Variants in HDX observed in about 807,000 individuals in gnomAD.
HDX encodes highly divergent homeobox.
Under a neutral mutation model 45.2 loss-of-function variants are expected in HDX, and 19 were observed. That is an observed-to-expected ratio of 0.42 (90% CI 0.29 to 0.62). HDX has a LOEUF of 0.62. HDX is among the 20% of genes least tolerant of loss of function. The pLI, the probability that HDX is intolerant of heterozygous loss-of-function variation, is 0.20. For missense variants in HDX, 532 were observed against 493.9 expected, an observed-to-expected ratio of 1.08 and a Z score of -0.73; for synonymous variants, 188 against 172.8, an observed-to-expected ratio of 1.09 and a Z score of -0.69.
chrX:84,412,271 A>C (rs1274343873), intron 5 of HDX, among the ~76,000 whole-genome samples: 5 of 110,997 alleles, frequency 4.5e-5, no homozygotes, highest in Non-Finnish European at 9.5e-5. Context: ...CTATGTACTT[A>C]AGTGTTTTTT....
intron 5 of HDX, among the ~76,000 whole-genome samples, chrX:84,385,837 G>GTTTTT (rs764533335): frequency 5.4e-5 from 4 of 73,461 alleles, no homozygotes; most frequent in Non-Finnish European, 7.7e-5. Context: ...TACTTGAATG[G>GTTTTT]TTTTTTTTTT....
chrX:84,472,910 A>G (rs1337344640), intron 3 of HDX, among the ~76,000 whole-genome samples: 1 of 109,964 alleles, frequency 9.1e-6, no homozygotes, highest in Admixed American at 9.7e-5. Context: ...ATCAAAATAT[A>G]CCAAAGCTTA....
intron 4 of HDX, among the ~76,000 whole-genome samples, chrX:84,449,171 A>T (rs1485595947): frequency 9.0e-6 from 1 of 110,519 alleles, no homozygotes; most frequent in East Asian, 2.8e-4. Flanking sequence ...GAATACCATA[A>T]AGTGTCCAAA....
At chrX:84,472,940 AT>A (rs2040479282) in intron 3 of HDX, among the ~76,000 whole-genome samples, 2 of 109,188 alleles carry the variant, frequency 1.8e-5, no homozygotes, top group Admixed American at 2.0e-4. Context: ...AATGATTCTC[AT>A]TTACGTTACA....
chrX:84,344,136 A>AC, intron 7 of HDX, 114 bp downstream of exon 7: 1 of 522,044 alleles, frequency 1.9e-6, no homozygotes, highest in East Asian at 3.6e-5. Flanking sequence ...TGTTTCAAAT[A>AC]CTTGGCCAAA....
chrX:84,474,410 G>C (rs752163564), intron 3 of HDX, among the ~76,000 whole-genome samples: 1 of 112,549 alleles, frequency 8.9e-6, no homozygotes, highest in East Asian at 2.8e-4. Flanking sequence ...CACATATTCT[G>C]AATGATTATT....
intron 5 of HDX, among the ~76,000 whole-genome samples, chrX:84,421,644 A>C (rs896969268): frequency 9.1e-6 from 1 of 110,321 alleles, no homozygotes; most frequent in Non-Finnish European, 1.9e-5. Context: ...TTAAAAAAAA[A>C]AAAACCATTG....
chrX:84,369,565 C>T lies in HDX; in HGVS notation c.1306-7953G>A, dbSNP rs1252480959. Among the ~76,000 whole-genome samples the T allele has an allele frequency of 2.7e-5, 3 of 112,077 alleles. No individual in the cohort carries two copies. In the Admixed American group the frequency reaches 2.8e-4, roughly 11 times the overall value. ...CATAGAGGTTTTAATTTCTCTATCT[C>T]CTCACTAACCCTTGCCATTTTCTGA... On this transcript the variant is annotated intron_variant, in intron 5 of 10. Coordinates refer to ENST00000373177, the MANE Select transcript of HDX (RefSeq NM_001177479.2).
chrX:84,468,756 A>T lies in HDX; in HGVS notation c.967T>A (p.Tyr323Asn). Residue 323 changes from tyrosine to asparagine, a missense_variant, in exon 4 of 11, where the codon TAT becomes AAT. This residue lies in a region of HDX where 376 missense variants were observed against 343.7 expected (regional missense o/e 1.09). Coordinates refer to ENST00000373177, the MANE Select transcript of HDX (RefSeq NM_001177479.2). ...LASMRAQIPSYSRFYESGSSL... is the reference protein window; with the variant it reads ...LASMRAQIPSNSRFYESGSSL... ...CTGCCACTTTCATAAAATCTCGAAT[A>T]GCTTGGTATCTGTGCTCTCATCGAT... 8.3e-7 allele frequency: 1 copy of T among 1,211,528 alleles called. No homozygotes were observed. Among genetic ancestry groups the T allele is most frequent in the East Asian group, 3.0e-5 (1 of 33,813 alleles).
rs1468714256 is a variant in HDX, at chrX:84,318,137, T to C, written c.*3752A>G. The stretch of plus-strand genomic sequence containing the variant: ...CTTGAAAATATCACTTTACTCTTTT[T>C]TCCCCCTAGCAAATCTGTTCTTAAT... On this transcript the variant is annotated 3_prime_UTR_variant, in exon 11 of 11. Transcript: ENST00000373177. The C allele has an allele frequency of 9.0e-6, 1 of 111,088 alleles. No individual in the cohort carries two copies. The highest frequency in any genetic ancestry group is 9.6e-5 in the Admixed American group (1 of 10,407). 9.2% of individuals were successfully genotyped at this position (111,088 alleles called of 1,213,427 possible).
rs181768268 is a variant in HDX, at chrX:84,400,941, A to C, written c.1306-39329T>G. On this transcript the variant is annotated intron_variant, in intron 5 of 10. Coordinates refer to ENST00000373177, the MANE Select transcript of HDX (RefSeq NM_001177479.2). ...GATCTTCGACAAACCTGACAAAAAC[A>C]AGCAATGGGGAAAGGATTCCCTGTT... 2.0e-3 allele frequency among the ~76,000 whole-genome samples: 227 copies of C among 111,776 alleles called. 2 individuals carry two copies. Among genetic ancestry groups the C allele is most frequent in the South Asian group, 2.6e-3 (7 of 2,666 alleles).
intron 5 of HDX, among the ~76,000 whole-genome samples, chrX:84,373,494 G>C (rs1403881730): frequency 9.0e-6 from 1 of 110,836 alleles, no homozygotes; most frequent in Admixed American, 9.6e-5. Flanking sequence ...GATGAATATT[G>C]ATGCAAAAAT....
intron 5 of HDX, among the ~76,000 whole-genome samples, chrX:84,393,880 G>T (rs1163120569): frequency 9.1e-6 from 1 of 110,045 alleles, no homozygotes; most frequent in Non-Finnish European, 1.9e-5. Context: ...TTTTATCTCT[G>T]ATTTTGTTTA....
chrX:84,490,097 T>C (rs749921843), intron 1 of HDX, among the ~76,000 whole-genome samples: 47 of 112,207 alleles, frequency 4.2e-4, no homozygotes, highest in African/African-American at 1.5e-3. Flanking sequence ...TTTGTGAGTA[T>C]ACTGTTTAAT....
intron 5 of HDX, among the ~76,000 whole-genome samples, chrX:84,434,565 T>A (rs1014206771): frequency 1.8e-5 from 2 of 111,353 alleles, no homozygotes; most frequent in African/African-American, 6.5e-5. Context: ...ATTGGATTAA[T>A]TTTGCTAGTT....
intron 5 of HDX, 125 bp from the exon 6 acceptor site, chrX:84,361,737 C>G: frequency 4.7e-6 from 2 of 425,485 alleles, no homozygotes; most frequent in South Asian, 1.7e-4. Context: ...TTTCACAATT[C>G]TTATTCAGTC....
At chrX:84,462,703 A>C (rs993797218) in intron 4 of HDX, among the ~76,000 whole-genome samples, 1 of 111,274 alleles carries the variant, frequency 9.0e-6, no homozygotes, top group African/African-American at 3.3e-5. Context: ...TTTTTTAAAA[A>C]ATTGGCATCA....
chrX:84,344,166 T>A, intron 7 of HDX, 84 bp downstream of exon 7: 1 of 750,448 alleles, frequency 1.3e-6, no homozygotes. Context: ...GACTCTAGAC[T>A]TGAAATGCAG....
intron 5 of HDX, among the ~76,000 whole-genome samples, chrX:84,376,144 C>A (rs1030067482): frequency 8.9e-6 from 1 of 112,100 alleles, no homozygotes; most frequent in Non-Finnish European, 1.9e-5. Flanking sequence ...CAGAAGGGAA[C>A]TGTTGCCTTG....
Sources: allele counts gnomAD v4.1 joint callset (sites outside exome capture counted in the v4.1 genomes callset), GRCh38; gene constraint gnomAD v4.1.1; regional missense constraint gnomAD v4.1.1; transcripts MANE v1.5; gene names NCBI Gene and HGNC (gene_info 2026-07-23, HGNC 2026-07-21).